GSTA3: variants seen among roughly 807,000 people sequenced by gnomAD.
GSTA3 encodes glutathione S-transferase A3.
Under a neutral mutation model 23.1 loss-of-function variants are expected in GSTA3, and 16 were observed. That is an observed-to-expected ratio of 0.69 (90% CI 0.47 to 1.05). The LOEUF (loss-of-function observed/expected upper bound fraction) is 1.05. Ranked by LOEUF, GSTA3 falls within the 50% of genes least tolerant of loss-of-function variation. The pLI is 0.00. For synonymous variants in GSTA3, 122 were observed against 91.0 expected, an observed-to-expected ratio of 1.34 and a Z score of -1.94; for missense variants, 319 against 263.6, an observed-to-expected ratio of 1.21 and a Z score of -1.46.
At chr6:52,907,712 C>G (rs1765939677) in intron 1 of GSTA3, among the ~76,000 whole-genome samples, 1 of 151,620 alleles carries the variant, frequency 6.6e-6, no homozygotes, top group Non-Finnish European at 1.5e-5. Context: ...TCTCAGCAAA[C>G]TATCGCAAGG....
intron 1 of GSTA3, among the ~76,000 whole-genome samples, chr6:52,906,304 C>T (rs994068080): frequency 6.6e-6 from 1 of 152,146 alleles, no homozygotes; most frequent in African/African-American, 2.4e-5. Context: ...GTGCAATTTG[C>T]CAACTAGCTA....
intron 6 of GSTA3, among the ~76,000 whole-genome samples, 154 bp downstream of exon 6, chr6:52,897,670 CA>C (rs1349012768): frequency 6.6e-6 from 1 of 151,998 alleles, no homozygotes; most frequent in Non-Finnish European, 1.5e-5. Flanking sequence ...TTTCATGCCT[CA>C]AAATTGGGGT....
intron 1 of GSTA3, among the ~76,000 whole-genome samples, chr6:52,908,156 CT>C (rs3063696): frequency 0.061 from 8,129 of 132,914 alleles, 501 homozygotes; most frequent in African/African-American, 0.18. Flanking sequence ...CAAGAGCAAT[CT>C]TTTTTTTTTT....
intron 5 of GSTA3, 103 bp from the exon 6 acceptor site, chr6:52,898,059 T>C (rs895866309): frequency 1.5e-6 from 2 of 1,318,974 alleles, no homozygotes; most frequent in Non-Finnish European, 2.2e-6. Flanking sequence ...CTGTGTTGCC[T>C]AACTGGATGG....
chr6:52,900,178 T>A (rs926990890), intron 4 of GSTA3, 103 bp from the exon 5 acceptor site: 4 of 896,008 alleles, frequency 4.5e-6, no homozygotes, highest in Non-Finnish European at 6.7e-6. Flanking sequence ...GTAAGGTAAT[T>A]CATCTCCATT....
intron 4 of GSTA3, among the ~76,000 whole-genome samples, chr6:52,901,065 T>C (rs986271174): frequency 3.4e-4 from 52 of 152,220 alleles, no homozygotes; most frequent in African/African-American, 1.3e-3. Flanking sequence ...AGGAAACCTT[T>C]TTTTCTTTTG....
At chr6:52,902,588 T>G (rs1050743307) in intron 3 of GSTA3, 110 bp from the exon 4 acceptor site, 5 of 1,149,998 alleles carry the variant, frequency 4.3e-6, no homozygotes, top group Non-Finnish European at 6.2e-6. Flanking sequence ...AAAGAAATTA[T>G]TGCCTGCTAA....
At chr6:52,902,597 A>G (rs1367913285) in intron 3 of GSTA3, 119 bp from the exon 4 acceptor site, 38 of 1,005,428 alleles carry the variant, frequency 3.8e-5, no homozygotes, top group Non-Finnish European at 5.4e-5. Context: ...ATTGCCTGCT[A>G]ACCTCAAAAA....
chr6:52,902,542 A>T, intron 3 of GSTA3, 64 bp from the exon 4 acceptor site: 1 of 1,486,684 alleles, frequency 6.7e-7, no homozygotes, highest in Non-Finnish European at 9.2e-7. Flanking sequence ...TCAGGAAGAA[A>T]AATGATGGTT....
intron 1 of GSTA3, among the ~76,000 whole-genome samples, chr6:52,906,797 T>G (rs1765904524): frequency 6.6e-6 from 1 of 150,698 alleles, no homozygotes; most frequent in Non-Finnish European, 1.5e-5. Flanking sequence ...CCTTACACCT[T>G]ATACAAAAAT....
At chr6:52,900,912 A>G (rs929421272) in intron 4 of GSTA3, among the ~76,000 whole-genome samples, 19 of 152,054 alleles carry the variant, frequency 1.2e-4, no homozygotes, top group African/African-American at 4.1e-4. Flanking sequence ...AGTTTTTCCA[A>G]TTACTCCCAT....
In GSTA3 at chr6:52,905,778, G is replaced by A; in HGVS notation, c.57C>T (p.Ile19=). 6.2e-7 allele frequency: 1 copy of A among 1,609,720 alleles called. No homozygotes were observed. Among genetic ancestry groups the A allele is most frequent in the Non-Finnish European group, 8.5e-7 (1 of 1,177,022 alleles). ...YFNGRGRMEP[I]RWLLAAAGVE... is the part of the protein sequence containing the mutation. ...CTCCAGCTGCAGCCAAGAGCCACCG[G>A]ATGGGCTCCATTCTGCCCCGTCCAT... is the stretch of plus-strand genomic sequence containing the variant. Residue 19 remains isoleucine, a synonymous_variant, in exon 2 of 7, where the codon ATC becomes ATT. Coordinates refer to ENST00000211122, the MANE Select transcript of GSTA3 (RefSeq NM_000847.5).
At chr6:52,902,209 A>G in intron 4 of GSTA3, 137 bp downstream of exon 4, 1 of 985,658 alleles carries the variant, frequency 1.0e-6, no homozygotes, top group Non-Finnish European at 1.6e-6. Context: ...GGACTCTGCA[A>G]TACTGGACCT....
At chr6:52,902,047 G>A (rs114674318) in intron 4 of GSTA3, among the ~76,000 whole-genome samples, 86 of 152,328 alleles carry the variant, frequency 5.6e-4, no homozygotes, top group African/African-American at 1.5e-3. Context: ...GAAGGCTTGA[G>A]CACCTGGAAT....
rs1190643598 is a variant in GSTA3, at chr6:52,896,800, G to T, written c.*6C>A. The stretch of plus-strand genomic sequence containing the variant: ...TTGCATGTTCTTAGCCTCCATGGCT[G>T]CTTTATTAAAACCTGAAAATCTTTC... On this transcript the variant is annotated 3_prime_UTR_variant, in exon 7 of 7. Transcript: ENST00000211122. 1.2e-6 allele frequency: 2 copies of T among 1,613,876 alleles called. No individual in the cohort carries two copies. Among genetic ancestry groups the T allele is most frequent in the South Asian group, 2.2e-5 (2 of 91,072 alleles).
chr6:52,900,264 C>CTTTTTTTTT (rs368457261), intron 4 of GSTA3, among the ~76,000 whole-genome samples, 189 bp from the exon 5 acceptor site: 1 of 133,458 alleles, frequency 7.5e-6, no homozygotes, highest in Non-Finnish European at 1.6e-5. Context: ...CTTTCTTTTT[C>CTTTTTTTTT]TTTTTTTTTT....
chr6:52,901,485 CA>C (rs1765682960), intron 4 of GSTA3, among the ~76,000 whole-genome samples: 1 of 152,094 alleles, frequency 6.6e-6, no homozygotes, highest in Non-Finnish European at 1.5e-5. Flanking sequence ...AATATTGTTC[CA>C]TTGCATGGCT....
In GSTA3 at chr6:52,900,067, A is replaced by G. The variant is rs1316506940; in HGVS notation, c.281T>C (p.Met94Thr). Reference protein sequence around the residue: ...KDIKERALIDMYTEGMADLNE... With the variant: ...KDIKERALIDTYTEGMADLNE... ...CAAATCTGCCATACCTTCTGTATAC[A>G]TATCAATTCTGAAAGACAAAAACAG... Residue 94 changes from methionine (M) to threonine (T), a missense_variant, in exon 5 of 7, where the codon ATG becomes ACG. Coordinates refer to ENST00000211122, the MANE Select transcript of GSTA3 (RefSeq NM_000847.5). The G allele has an allele frequency of 1.2e-6, 2 of 1,600,486 alleles. No individual in the cohort carries two copies. Among genetic ancestry groups the G allele is most frequent in the Middle Eastern group, 1.7e-4 (1 of 6,022 alleles).
At chr6:52,898,997 G>C (rs913347177) in intron 5 of GSTA3, among the ~76,000 whole-genome samples, 1 of 152,144 alleles carries the variant, frequency 6.6e-6, no homozygotes, top group Admixed American at 6.5e-5. Flanking sequence ...GCAGGTAGCC[G>C]GCAATCGGAA....
Sources: allele counts gnomAD v4.1 joint callset (sites outside exome capture counted in the v4.1 genomes callset), GRCh38; gene constraint gnomAD v4.1.1; transcripts MANE v1.5; gene names NCBI Gene and HGNC (gene_info 2026-07-23, HGNC 2026-07-21).